The following GREB1 variants were observed in gnomAD, a reference collection of about 807,000 sequenced individuals.
GREB1 encodes the protein growth regulating estrogen receptor binding 1.
In GREB1, 106 loss-of-function variants were observed where a neutral mutation model predicts 200.7. The ratio of observed to expected loss-of-function variants is 0.53; its 90% CI spans 0.45 to 0.62. The LOEUF (loss-of-function observed/expected upper bound fraction) is 0.62. GREB1 is among the 20% of genes least tolerant of loss of function. The probability of loss-of-function intolerance (pLI) is 0.00; values close to 1 mark genes in which losing one functional copy is unlikely to be tolerated. For synonymous variants in GREB1, 1,132 were observed against 1,092.4 expected, an observed-to-expected ratio of 1.04 and a Z score of -0.72; for missense variants, 2,243 against 2,556.8, an observed-to-expected ratio of 0.88 and a Z score of 2.65.
At chr2:11,588,315 C>T (rs1431112008) in intron 9 of GREB1, 4 of 1,118,334 alleles carry the variant, frequency 3.6e-6, no homozygotes, top group Non-Finnish European at 4.4e-6. Context: ...TGGGAGAATG[C>T]AGGGCAGAAT....
In GREB1 at chr2:11,625,263, T is replaced by C; in HGVS notation, c.4257T>C (p.Tyr1419=). 6.2e-7 allele frequency: 1 copy of C among 1,614,164 alleles called. No individual in the cohort carries two copies. The highest frequency in any genetic ancestry group is 8.5e-7 in the Non-Finnish European group (1 of 1,180,014). ...ACTACATCATTCACGACCCGAAGTA[T>C]GAAGATGCCAGCCTGATTTGTTCGC... ...PFDYIIHDPK[Y]EDASLICSHY... The change falls in exon 24 of 33, where the codon TAT becomes TAC. Residue 1419 remains tyrosine, a synonymous_variant. Transcript: ENST00000381486.
intron 1 of GREB1, among the ~76,000 whole-genome samples, chr2:11,483,192 C>T (rs1280443415): frequency 1.3e-5 from 2 of 151,132 alleles, no homozygotes; most frequent in East Asian, 3.9e-4. Context: ...CGTGTGCGCG[C>T]GGGTATAGGT....
Position 11,566,498 on chromosome 2 carries a change from A to G in GREB1, c.296A>G (p.Lys99Arg). ...CTTDGFCQAG[K>R]DLRLVSISNE... ...CTCCTAGGGTTTTGCCAGGCCGGGA[A>G]GGACCTGCGCCTTGTCTCCATTTCC... Residue 99 changes from lysine to arginine, a missense_variant, in exon 4 of 33, where the codon AAG (lysine) becomes AGG (arginine). Coordinates refer to ENST00000381486, the MANE Select transcript of GREB1 (RefSeq NM_014668.4). 6.2e-7 allele frequency: 1 copy of G among 1,610,816 alleles called. No individual in the cohort carries two copies. Among genetic ancestry groups the G allele is most frequent in the Non-Finnish European group, 8.5e-7 (1 of 1,178,016 alleles).
At chr2:11,506,518 G>T (rs1407376110) in intron 1 of GREB1, among the ~76,000 whole-genome samples, 1 of 152,184 alleles carries the variant, frequency 6.6e-6, no homozygotes, top group African/African-American at 2.4e-5. Flanking sequence ...GTGGCCAGGG[G>T]AAAAGAGTGG....
At chr2:11,507,161 C>T (rs909762961) in intron 1 of GREB1, among the ~76,000 whole-genome samples, 3 of 152,176 alleles carry the variant, frequency 2.0e-5, no homozygotes, top group Admixed American at 2.0e-4. Context: ...GTAATCCCAG[C>T]ACTCTGGGAG....
At position 11,591,422 on chromosome 2, in the gene GREB1, T is replaced by G. The variant is rs139036991; in HGVS notation, c.1346-1354T>G. On this transcript the variant is annotated intron_variant, in intron 10 of 32. Coordinates refer to ENST00000381486, the MANE Select transcript of GREB1 (RefSeq NM_014668.4). Reference sequence around the variant, plus strand: ...ACATCAAATACGAAATCCGGACGTATAAACCAGACAATTCATAAAAGAGAA... The same window carrying G: ...ACATCAAATACGAAATCCGGACGTAGAAACCAGACAATTCATAAAAGAGAA... 1.4e-5 allele frequency: 10 copies of G among 728,430 alleles called. No individual in the cohort carries two copies. The African/African-American group carries it at 1.4e-4, about 10-fold the overall frequency. The allele number at this position is 728,430 out of a possible 1,614,324, so 45.1% of individuals were successfully genotyped here. A position where few individuals can be genotyped will look rare whatever the true frequency, so the allele number is the denominator to read the frequency against.
intron 11 of GREB1, 89 bp downstream of exon 11, chr2:11,593,215 G>T (rs1680911317): frequency 5.3e-6 from 5 of 945,268 alleles, no homozygotes; most frequent in Non-Finnish European, 7.6e-6. Flanking sequence ...TTCTGTCTAG[G>T]GTGGCCCGGG....
rs780581197 is a variant in GREB1, at chr2:11,580,745, C to T, written c.814C>T (p.Pro272Ser). 2.7e-5 allele frequency: 44 copies of T among 1,614,052 alleles called. No individual in the cohort carries two copies. In the South Asian group the frequency reaches 4.5e-4, roughly 17 times the overall value. Residue 272 changes from proline (P) to serine (S), a missense_variant, in exon 7 of 33, where the codon CCG becomes TCG. Pro to Ser is a moderately conservative substitution (Grantham distance 74, BLOSUM62 -1). Transcript: ENST00000381486. This position sits in a 1 kb window ranked among gnomAD's most constrained non-coding sequence, Gnocchi z 4.5. Reference sequence around the variant, plus strand: ...CCCCTCACTAAACGCAGCAATGGGTCCGGCTGTTTTCAACGGCAAAGATTC... The same window carrying T: ...CCCCTCACTAAACGCAGCAATGGGTTCGGCTGTTTTCAACGGCAAAGATTC... ...DHPSLNAAMGPAVFNGKDSPK... is the reference protein window; with the variant it reads ...DHPSLNAAMGSAVFNGKDSPK...
chr2:11,499,802 A>G (rs990122072), intron 1 of GREB1, among the ~76,000 whole-genome samples: 7 of 152,218 alleles, frequency 4.6e-5, no homozygotes, highest in African/African-American at 1.2e-4. Context: ...ATCATATTGT[A>G]CATATAACTT....
intron 1 of GREB1, among the ~76,000 whole-genome samples, chr2:11,508,479 T>C (rs910206624): frequency 1.3e-5 from 2 of 152,200 alleles, no homozygotes; most frequent in African/African-American, 4.8e-5. Flanking sequence ...GCTGGGCTCC[T>C]TTCTGGCTTT....
At chr2:11,521,045 C>T (rs1460635582) in intron 1 of GREB1, among the ~76,000 whole-genome samples, 1 of 152,148 alleles carries the variant, frequency 6.6e-6, no homozygotes, top group Non-Finnish European at 1.5e-5. Context: ...GGACCTGAGC[C>T]AGGCATGTAT....
Position 11,634,185 on chromosome 2 carries a change from C to T in GREB1, c.5046C>T (p.Ile1682=), listed in dbSNP as rs373456450. 285 of 1,614,214 alleles carry T rather than the reference C, an allele frequency of 1.8e-4. No homozygotes were observed. Among genetic ancestry groups the T allele is most frequent in the East Asian group, 3.1e-4 (14 of 44,876 alleles). The change falls in exon 29 of 33, where the codon ATC becomes ATT. Residue 1682 remains isoleucine, a synonymous_variant. Coordinates refer to ENST00000381486, the MANE Select transcript of GREB1 (RefSeq NM_014668.4). ...CTTTGAAGCACATCATGCAGCACATCGAGGCGGCCCCCGACATCATGCACT... is the reference window on the plus strand; with the variant it reads ...CTTTGAAGCACATCATGCAGCACATTGAGGCGGCCCCCGACATCATGCACT... The part of the protein sequence containing the change: ...NVSLKHIMQH[I]EAAPDIMHYA...
intron 1 of GREB1, among the ~76,000 whole-genome samples, chr2:11,552,480 G>T (rs10495583): frequency 0.14 from 22,040 of 152,198 alleles, 2,740 homozygotes; most frequent in African/African-American, 0.33. Context: ...GCTTTAGTGT[G>T]TGACCTTGAA....
At chr2:11,539,720 G>T (rs538971091) in intron 1 of GREB1, 1 of 151,788 alleles carries the variant, frequency 6.6e-6, no homozygotes, top group Admixed American at 6.6e-5. Context: ...AAGAAGACAC[G>T]AAACGGTGGC....
intron 1 of GREB1, among the ~76,000 whole-genome samples, chr2:11,496,952 C>T (rs1022471739): frequency 6.6e-6 from 1 of 152,002 alleles, no homozygotes; most frequent in Non-Finnish European, 1.5e-5. Flanking sequence ...AACTGTCATG[C>T]CTGGCTAATT....
chr2:11,637,956 A>G (rs943158493), intron 31 of GREB1, 40 bp downstream of exon 31: 2 of 1,510,958 alleles, frequency 1.3e-6, no homozygotes, highest in African/African-American at 2.7e-5. Flanking sequence ...CCTAATTCAG[A>G]GAAATCTCTA....
intron 23 of GREB1, among the ~76,000 whole-genome samples, chr2:11,621,353 G>A (rs919483263): frequency 1.3e-5 from 2 of 152,194 alleles, no homozygotes; most frequent in African/African-American, 4.8e-5. Flanking sequence ...GAGCCCAGCT[G>A]AGTAGTGGCA....
At chr2:11,514,235 A>G (rs78673778) in intron 1 of GREB1, among the ~76,000 whole-genome samples, 3 of 152,246 alleles carry the variant, frequency 2.0e-5, no homozygotes, top group Non-Finnish European at 4.4e-5. Context: ...GCTTATTTAC[A>G]TAGAGTTCTC....
chr2:11,618,883 C>T lies in GREB1; in HGVS notation c.4008C>T (p.Phe1336=). 1 of 1,562,478 alleles carries T rather than the reference C, an allele frequency of 6.4e-7. No homozygotes were observed. The highest frequency in any genetic ancestry group is 8.6e-7 in the Non-Finnish European group (1 of 1,159,530). The change falls in exon 22 of 33, where the codon TTC becomes TTT. Residue 1336 remains phenylalanine, a synonymous_variant. Coordinates refer to ENST00000381486, the MANE Select transcript of GREB1 (RefSeq NM_014668.4). ...GNRAEGRVDG[F]HPRRLLLSGP... is the part of the protein sequence containing the mutation. Reference sequence around the variant, plus strand: ...GGGCCGAGGGCCGCGTGGACGGCTTCCACCCCCGCAGGCTGCTGCTCAGCG... The same window carrying T: ...GGGCCGAGGGCCGCGTGGACGGCTTTCACCCCCGCAGGCTGCTGCTCAGCG...
Sources: gnomAD v4.1 joint callset for allele counts (sites outside exome capture counted in the v4.1 genomes callset) on GRCh38, gnomAD v4.1.1 for gene constraint, Gnocchi (gnomAD v3.1) non-coding constraint, MANE v1.5 for transcripts, NCBI Gene and HGNC (gene_info 2026-07-23, HGNC 2026-07-21) for gene names.